NPAS3: variants seen among roughly 807,000 people sequenced by gnomAD.
The protein encoded by NPAS3 is neuronal PAS domain protein 3.
NPAS3 carries 14 observed loss-of-function variants against 73.1 expected under a neutral mutation model. That is an observed-to-expected ratio of 0.19 (90% CI 0.13 to 0.30). The LOEUF is 0.30. NPAS3 is among the 10% of genes least tolerant of loss of function. NPAS3 has a pLI of 1.00. For missense variants in NPAS3, 1,096 were observed against 1,250.0 expected (o/e 0.88, Z 1.86); for synonymous variants, 620 against 541.5 (o/e 1.14, Z -2.01).
chr14:33,698,462 G>C (rs1375630678), intron 6 of NPAS3, among the ~76,000 whole-genome samples: 2 of 152,126 alleles, frequency 1.3e-5, no homozygotes, highest in Admixed American at 1.3e-4. Context: ...TCACATTAAA[G>C]CTTTTGCCTC....
chr14:33,778,037 C>T (rs2062874335), intron 8 of NPAS3, among the ~76,000 whole-genome samples: 1 of 152,092 alleles, frequency 6.6e-6, no homozygotes, highest in Non-Finnish European at 1.5e-5. Context: ...ATGGAAATAC[C>T]CAATAGAAGA....
At chr14:33,316,169 G>C (rs1485764382) in intron 3 of NPAS3, among the ~76,000 whole-genome samples, 1 of 152,068 alleles carries the variant, frequency 6.6e-6, no homozygotes, top group African/African-American at 2.4e-5. Flanking sequence ...GAGCATTTCT[G>C]TTAATACATA....
At chr14:33,503,842 G>C (rs569069445) in intron 4 of NPAS3, among the ~76,000 whole-genome samples, 1 of 151,914 alleles carries the variant, frequency 6.6e-6, no homozygotes, top group South Asian at 2.1e-4. Context: ...TTCCCTTTAG[G>C]GGGAGAATTT....
chr14:33,523,900 CACCTACGCCTTGAGACA>C (rs1164548426), intron 4 of NPAS3, among the ~76,000 whole-genome samples: 1 of 148,406 alleles, frequency 6.7e-6, no homozygotes, highest in Non-Finnish European at 1.5e-5. Context: ...GGCCACAACA[CACCTACGCCTTGAGACA>C]AGAGAAAGGT....
intron 4 of NPAS3, among the ~76,000 whole-genome samples, chr14:33,544,825 A>ATATATCTATAAT: frequency 8.9e-6 from 1 of 112,188 alleles, no homozygotes. Flanking sequence ...TATATAATAT[A>ATATATCTATAAT]TATGTGTATA....
chr14:33,774,316 G>A, intron 7 of NPAS3, 21 bp from the exon 8 acceptor site: 1 of 1,604,460 alleles, frequency 6.2e-7, no homozygotes, highest in Non-Finnish European at 8.5e-7. Flanking sequence ...CTGGTGTCCT[G>A]TACTTAATGT....
At chr14:33,158,802 C>A (rs1006785926) in intron 2 of NPAS3, among the ~76,000 whole-genome samples, 8 of 152,078 alleles carry the variant, frequency 5.3e-5, no homozygotes, top group Non-Finnish European at 7.4e-5. Context: ...GCATGTTATT[C>A]ATGTCGGGGA....
At position 33,591,791 on chromosome 14, in the gene NPAS3, G is replaced by A. The variant is rs557329424; in HGVS notation, c.558+31581G>A. Among the ~76,000 whole-genome samples, 11 of 152,254 alleles carry A rather than the reference G, an allele frequency of 7.2e-5. 1 individual carries two copies. In the South Asian group the frequency reaches 1.0e-3, roughly 14 times the overall value. The stretch of plus-strand genomic sequence containing the variant: ...TCCTCATTTTCTTCTTGAGGGAAAC[G>A]TATGTAACATACCCTTTAACTTGGA... On this transcript the variant is annotated intron_variant, in intron 5 of 11. Coordinates refer to ENST00000356141, the Ensembl canonical transcript of NPAS3.
chr14:33,175,090 G>T (rs145878460), intron 2 of NPAS3, among the ~76,000 whole-genome samples: 9 of 152,050 alleles, frequency 5.9e-5, no homozygotes, highest in African/African-American at 2.2e-4. Flanking sequence ...TGATACTTAC[G>T]CAAAGATTTT....
chr14:33,565,944 C>T (rs2055907747), intron 5 of NPAS3, among the ~76,000 whole-genome samples: 1 of 151,910 alleles, frequency 6.6e-6, no homozygotes, highest in Non-Finnish European at 1.5e-5. Flanking sequence ...GTGACCACCC[C>T]CCTGCCACCC....
intron 2 of NPAS3, among the ~76,000 whole-genome samples, chr14:33,154,121 C>T (rs1227008631): frequency 3.3e-5 from 5 of 152,056 alleles, no homozygotes; most frequent in Non-Finnish European, 7.4e-5. Flanking sequence ...CTCTTTTTTG[C>T]TGCTACTATG....
chr14:33,079,542 T>A (rs1189812634), intron 2 of NPAS3, among the ~76,000 whole-genome samples: 5 of 145,604 alleles, frequency 3.4e-5, no homozygotes, highest in Admixed American at 6.9e-5. Flanking sequence ...GGTCTTGAAC[T>A]CCTAACCTCC....
At chr14:33,230,290 A>T (rs889328860) in intron 3 of NPAS3, among the ~76,000 whole-genome samples, 1 of 152,188 alleles carries the variant, frequency 6.6e-6, no homozygotes, top group African/African-American at 2.4e-5. Context: ...CATAGACACC[A>T]TGCAGTTTTT....
At chr14:33,412,432 T>C (rs1189070751) in intron 4 of NPAS3, among the ~76,000 whole-genome samples, 2 of 152,200 alleles carry the variant, frequency 1.3e-5, no homozygotes, top group African/African-American at 2.4e-5. Flanking sequence ...ATTTTATTTT[T>C]TGACAAAATA....
At chr14:33,403,500 A>T (rs1375746195) in intron 4 of NPAS3, among the ~76,000 whole-genome samples, 1 of 152,152 alleles carries the variant, frequency 6.6e-6, no homozygotes, top group African/African-American at 2.4e-5. Context: ...CACTGATAAA[A>T]TGGTAAATAG....
At chr14:33,294,355 G>T (rs1438131578) in intron 3 of NPAS3, among the ~76,000 whole-genome samples, 4 of 151,832 alleles carry the variant, frequency 2.6e-5, no homozygotes, top group Non-Finnish European at 5.9e-5. Flanking sequence ...TCATTTTTTT[G>T]ACCTAATTTT....
intron 3 of NPAS3, among the ~76,000 whole-genome samples, chr14:33,310,524 C>T (rs2140190971): frequency 6.6e-6 from 1 of 152,234 alleles, no homozygotes; most frequent in African/African-American, 2.4e-5. Context: ...GTGCTTTTCA[C>T]AGTCAACATT....
At chr14:33,547,603 G>T (rs770991010) in intron 4 of NPAS3, among the ~76,000 whole-genome samples, 2 of 152,044 alleles carry the variant, frequency 1.3e-5, no homozygotes, top group Non-Finnish European at 1.5e-5. Context: ...TCACTAAATG[G>T]ATGAATGCAA....
intron 5 of NPAS3, among the ~76,000 whole-genome samples, chr14:33,634,146 A>G (rs2058452621): frequency 6.6e-6 from 1 of 152,308 alleles, no homozygotes; most frequent in East Asian, 1.9e-4. Context: ...TTGGGTCAAA[A>G]CCACAAAATA....
Sources: allele counts gnomAD v4.1 joint callset (sites outside exome capture counted in the v4.1 genomes callset), GRCh38; gene constraint gnomAD v4.1.1; transcripts MANE v1.5; gene names NCBI Gene and HGNC (gene_info 2026-07-23, HGNC 2026-07-21).